The following NKD1 variants were observed in gnomAD, a reference collection of about 807,000 sequenced individuals.
NKD1 encodes the protein protein naked cuticle homolog 1.
Under a neutral mutation model 56.0 loss-of-function variants are expected in NKD1, and 21 were observed. That is an observed-to-expected ratio of 0.38 (90% CI 0.27 to 0.54). The LOEUF is 0.54. Among genes scored for constraint, NKD1 ranks in the 20% least tolerant of loss-of-function variants. The pLI is 0.82. For synonymous variants in NKD1, 263 were observed against 265.7 expected (o/e 0.99, Z 0.10); for missense variants, 578 against 642.7 (o/e 0.90, Z 1.09).
In NKD1 at chr16:50,646,370, A is replaced by G. The variant is rs1361476511; in HGVS notation, c.*12589A>G. ...TCCAAAAAAGACGAGGAAGAAAAAG[A>G]GGGGGGGGGGAGAGAGAACGAAGGC... On this transcript the variant is annotated 3_prime_UTR_variant, in exon 10 of 10. Transcript: ENST00000268459. The G allele has an allele frequency of 2.1e-4, 30 of 141,132 alleles. No individual in the cohort carries two copies. The highest frequency in any genetic ancestry group is 4.5e-4 in the African/African-American group (17 of 37,824). The allele number at this position is 141,132 out of a possible 1,614,324, so 8.7% of individuals were successfully genotyped here. A position where few individuals can be genotyped will look rare whatever the true frequency, so the allele number is the denominator to read the frequency against.
At position 50,633,485 on chromosome 16, in the gene NKD1, C is replaced by A. The variant is rs1962394691; in HGVS notation, c.1117C>A (p.Pro373Thr). Residue 373 changes from proline (P) to threonine (T), a missense_variant, in exon 10 of 10, where the codon CCC becomes ACC. Coordinates refer to ENST00000268459, the MANE Select transcript of NKD1 (RefSeq NM_033119.5). This position sits in a 1 kb window ranked among gnomAD's most constrained non-coding sequence, Gnocchi z 4.9. ...RGARNKPPLG[P>T]AIPAVSPSAH... Reference sequence around the variant, plus strand: ...GGCAAGAAACAAGCCCCCTCTGGGACCCGCCATCCCTGCGGTGTCCCCCTC... The same window carrying A: ...GGCAAGAAACAAGCCCCCTCTGGGAACCGCCATCCCTGCGGTGTCCCCCTC... 1.2e-6 allele frequency: 2 copies of A among 1,609,310 alleles called. No homozygotes were observed. The highest frequency in any genetic ancestry group is 1.7e-6 in the Non-Finnish European group (2 of 1,177,874).
chr16:50,594,662 T>G (rs72796314), intron 3 of NKD1, among the ~76,000 whole-genome samples: 3 of 152,260 alleles, frequency 2.0e-5, no homozygotes, highest in Non-Finnish European at 4.4e-5. Context: ...GGTATGGGCT[T>G]TCATTCTCCT....
At position 50,580,521 on chromosome 16, in the gene NKD1, G is replaced by C. The variant is rs891214103; in HGVS notation, c.193-27773G>C. Among the ~76,000 whole-genome samples, 8 of 152,222 alleles carry C rather than the reference G, an allele frequency of 5.3e-5. No individual in the cohort carries two copies. The East Asian group carries it at 5.8e-4, about 11-fold the overall frequency. On this transcript the variant is annotated intron_variant, in intron 3 of 9. Transcript: ENST00000268459. ...CAAACCCTTGTCAAAGGGTTCCCTGGCCAGAGAAGCTTGGGAAACGGGTGG... is the reference window on the plus strand; with the variant it reads ...CAAACCCTTGTCAAAGGGTTCCCTGCCCAGAGAAGCTTGGGAAACGGGTGG...
chr16:50,555,773 A>C (rs1287374737), intron 3 of NKD1: 1 of 152,154 alleles, frequency 6.6e-6, no homozygotes, highest in Non-Finnish European at 1.5e-5. Context: ...CATGGCTGCG[A>C]ATCACAAGAT....
At chr16:50,571,498 G>C (rs778072860) in intron 3 of NKD1, 17 of 985,270 alleles carry the variant, frequency 1.7e-5, no homozygotes, top group African/African-American at 7.0e-5. Context: ...GTCGGAAGCA[G>C]CCTTCCCCAC....
rs74017741 is a variant in NKD1, at chr16:50,602,160, G to A, written c.193-6134G>A. Among the ~76,000 whole-genome samples the A allele has an allele frequency of 6.4e-3, 975 of 152,334 alleles. 6 individuals carry two copies. Among genetic ancestry groups the A allele is most frequent in the African/African-American group, 0.022 (921 of 41,562 alleles). ...AAGCCCTGGGGGCCTGGGAATGAGA[G>A]GGAGGCTGTGTGGGCAGAGATAACA... On this transcript the variant is annotated intron_variant, in intron 3 of 9. Coordinates refer to ENST00000268459, the MANE Select transcript of NKD1 (RefSeq NM_033119.5).
chr16:50,582,229 G>T (rs962176360), intron 3 of NKD1, among the ~76,000 whole-genome samples: 2 of 152,140 alleles, frequency 1.3e-5, no homozygotes, highest in Admixed American at 6.5e-5. Context: ...ATTATGCCTT[G>T]AACGTGGTTT....
intron 3 of NKD1, among the ~76,000 whole-genome samples, chr16:50,560,887 A>G (rs1831991068): frequency 6.7e-6 from 1 of 149,708 alleles, no homozygotes; most frequent in African/African-American, 2.5e-5. Flanking sequence ...ATTGTAAAAT[A>G]TAATTCTTAC....
chr16:50,610,205 A>G (rs1413748931), intron 4 of NKD1, among the ~76,000 whole-genome samples: 1 of 152,248 alleles, frequency 6.6e-6, no homozygotes, highest in Non-Finnish European at 1.5e-5. Context: ...TAAAAAATCA[A>G]AAAACCACAA....
At chr16:50,555,389 G>T (rs969459170) in intron 3 of NKD1, 1 of 152,482 alleles carries the variant, frequency 6.6e-6, no homozygotes, top group African/African-American at 2.4e-5. Context: ...AGGTATGTTG[G>T]GTGGAGCAGG....
intron 3 of NKD1, among the ~76,000 whole-genome samples, chr16:50,583,011 A>G (rs2151269720): frequency 6.6e-6 from 1 of 152,318 alleles, no homozygotes; most frequent in East Asian, 1.9e-4. Flanking sequence ...ATCCCGGGAA[A>G]AAAAAATGCA....
intron 6 of NKD1, among the ~76,000 whole-genome samples, chr16:50,627,324 C>T (rs1300438384): frequency 6.6e-6 from 1 of 152,196 alleles, no homozygotes; most frequent in African/African-American, 2.4e-5. Flanking sequence ...GAGGCAGACT[C>T]TCCCCTTGGC....
chr16:50,602,803 G>C (rs1212391508), intron 3 of NKD1, among the ~76,000 whole-genome samples: 1 of 152,226 alleles, frequency 6.6e-6, no homozygotes, highest in Non-Finnish European at 1.5e-5. Flanking sequence ...AGATCTGCAG[G>C]TCTGTCTTGT....
chr16:50,579,624 G>A (rs111544075), intron 3 of NKD1, among the ~76,000 whole-genome samples: 5 of 118,864 alleles, frequency 4.2e-5, no homozygotes, highest in East Asian at 2.7e-4. Flanking sequence ...AACCCGCCAC[G>A]CATGCACTGT....
At chr16:50,625,416 C>G (rs1962186939) in intron 5 of NKD1, 69 bp from the exon 6 acceptor site, 12 of 1,126,784 alleles carry the variant, frequency 1.1e-5, no homozygotes, top group African/African-American at 3.0e-5. Context: ...CCTCTAGGCC[C>G]AGGCTTCCAC....
intron 6 of NKD1, among the ~76,000 whole-genome samples, chr16:50,626,242 G>C (rs957184418): frequency 6.6e-6 from 1 of 152,248 alleles, no homozygotes; most frequent in African/African-American, 2.4e-5. Flanking sequence ...GTATGCATCT[G>C]TTGGGTGCTA....
rs1362597880 is a variant in NKD1, at chr16:50,635,860, G to C, written c.*2079G>C. ...GTGAGAACGCAACTCAATCCAAAGT[G>C]AATGAAACCAAGTTGGAAGGCAGGG... On this transcript the variant is annotated 3_prime_UTR_variant, in exon 10 of 10. Coordinates refer to ENST00000268459, the MANE Select transcript of NKD1 (RefSeq NM_033119.5). This position sits in a 1 kb window ranked among gnomAD's most constrained non-coding sequence, Gnocchi z 4.1. 6.6e-6 allele frequency: 1 copy of C among 152,280 alleles called. No individual in the cohort carries two copies. The highest frequency in any genetic ancestry group is 1.5e-5 in the Non-Finnish European group (1 of 68,068). The allele number at this position is 152,280 out of a possible 1,614,324, so 9.4% of individuals were successfully genotyped here.
At chr16:50,565,498 G>A (rs919908368) in intron 3 of NKD1, among the ~76,000 whole-genome samples, 2 of 152,144 alleles carry the variant, frequency 1.3e-5, no homozygotes, top group Admixed American at 1.3e-4. Flanking sequence ...GGGCAATGTA[G>A]CAGGACCCCA....
intron 3 of NKD1, among the ~76,000 whole-genome samples, chr16:50,594,717 T>C (rs1961437596): frequency 6.6e-6 from 1 of 151,840 alleles, no homozygotes; most frequent in Non-Finnish European, 1.5e-5. Context: ...GGCAGTTCTC[T>C]GAGTCTGCAG....
Sources: allele counts gnomAD v4.1 joint callset (sites outside exome capture counted in the v4.1 genomes callset), GRCh38; gene constraint gnomAD v4.1.1; non-coding constraint Gnocchi (gnomAD v3.1); transcripts MANE v1.5; gene names NCBI Gene and HGNC (gene_info 2026-07-23, HGNC 2026-07-21).